The following BSND variants were observed in gnomAD, a reference collection of about 807,000 sequenced individuals.
The protein encoded by BSND is barttin CLCNK type accessory subunit beta.
BSND carries 13 observed loss-of-function variants against 18.8 expected under a neutral mutation model. That is an observed-to-expected ratio of 0.69 (90% confidence interval 0.45 to 1.10). The LOEUF (loss-of-function observed/expected upper bound fraction) is 1.10, where lower values mean the gene tolerates loss of function less well. Among genes scored for constraint, BSND ranks in the 50% least tolerant of loss-of-function variants. The probability of loss-of-function intolerance (pLI) is 0.00; values close to 1 mark genes in which losing one functional copy is unlikely to be tolerated. For synonymous variants in BSND, 170 were observed against 161.8 expected, an observed-to-expected ratio of 1.05 and a Z score of -0.39; for missense variants, 379 against 416.7, an observed-to-expected ratio of 0.91 and a Z score of 0.79.
chr1:55,008,686 A>C lies in BSND; in HGVS notation c.*58A>C. 1 of 1,612,946 alleles carries C rather than the reference A, an allele frequency of 6.2e-7. No homozygotes were observed. On this transcript the variant is annotated 3_prime_UTR_variant, in exon 4 of 4. Coordinates refer to ENST00000651561, the MANE Select transcript of BSND (RefSeq NM_057176.3). ...CTGCTGCTGACCCCTGTGTGACATC[A>C]CAGGGCCTCAGTTTCCCTATCTGCA...
At position 55,013,060 on chromosome 1, in the gene BSND, C is replaced by T. The variant is rs1365049672; in HGVS notation, c.*4432C>T. Among the ~76,000 whole-genome samples, 5 of 152,068 alleles carry T rather than the reference C, an allele frequency of 3.3e-5. No homozygotes were observed. The highest frequency in any genetic ancestry group is 1.9e-4 in the East Asian group (1 of 5,190). ...TCTTCCCACGATGCCACCTGGTCCA[C>T]GTCATAAGACTCAACAATGCACCTG... On this transcript the variant is annotated 3_prime_UTR_variant, in exon 4 of 4. Coordinates refer to ENST00000651561, the MANE Select transcript of BSND (RefSeq NM_057176.3).
rs1226292382 is a variant in BSND at position 54,999,333 on chromosome 1, C to G, written c.147C>G (p.Ile49Met). ...AMGSVMVIGG[I>M]IWSMCQCYPK... Reference sequence around the variant, plus strand: ...GCAGCGTCATGGTGATCGGGGGCATCATCTGGAGCATGTGCCAGTGCTACC... The same window carrying G: ...GCAGCGTCATGGTGATCGGGGGCATGATCTGGAGCATGTGCCAGTGCTACC... Residue 49 changes from isoleucine (I) to methionine (M), a missense_variant, in exon 1 of 4, where the codon ATC (isoleucine) becomes ATG (methionine). Coordinates refer to ENST00000651561, the MANE Select transcript of BSND (RefSeq NM_057176.3). The G allele has an allele frequency of 2.5e-6, 4 of 1,612,374 alleles. No homozygotes were observed.
At position 54,999,209 on chromosome 1, in the gene BSND, G is replaced by T. The variant is rs74315288; in HGVS notation, c.23G>T (p.Arg8Leu). Residue 8 changes from arginine (R) to leucine (L), a missense_variant, in exon 1 of 4, where the codon CGG becomes CTG. Physicochemically the swap from Arg to Leu is moderately radical, Grantham distance 102. Transcript: ENST00000651561. ...GCCATGGCTGACGAGAAGACCTTCC[G>T]GATCGGCTTCATTGTGCTGGGGCTT... The part of the protein sequence containing the change: MADEKTF[R>L]IGFIVLGLFL... The T allele has an allele frequency of 6.2e-7, 1 of 1,614,130 alleles. No homozygotes were observed. Among genetic ancestry groups the T allele is most frequent in the Non-Finnish European group, 8.5e-7 (1 of 1,180,026 alleles).
rs1644402120 is a variant in BSND at position 55,008,322 on chromosome 1, G to A, written c.657G>A (p.Glu219=). 6.2e-7 allele frequency: 1 copy of A among 1,614,112 alleles called. No homozygotes were observed. Among genetic ancestry groups the A allele is most frequent in the South Asian group, 1.1e-5 (1 of 91,084 alleles). The change falls in exon 4 of 4, where the codon GAG becomes GAA. Residue 219 remains glutamate, a synonymous_variant. Transcript: ENST00000651561. ...CCAATGCATCTCCACATGACAGGGA[G>A]GAAGCTTGTTCCCCACAACAGGAAC... ...SSPNASPHDR[E]EACSPQQEPQ...
chr1:55,000,428 C>T (rs997114487), intron 1 of BSND, among the ~76,000 whole-genome samples: 11 of 150,982 alleles, frequency 7.3e-5, no homozygotes, highest in Admixed American at 7.3e-4. Flanking sequence ...GCCTCAGTTT[C>T]CTCATTTGTA....
intron 1 of BSND, among the ~76,000 whole-genome samples, 162 bp from the exon 2 acceptor site, chr1:55,004,860 T>A (rs577807986): frequency 1.3e-5 from 2 of 152,218 alleles, no homozygotes; most frequent in Non-Finnish European, 2.9e-5. Flanking sequence ...ATCCTCCCGC[T>A]GGTGCTGTGC....
Position 55,017,084 on chromosome 1 carries a change from A to C in BSND, c.*8456A>C, listed in dbSNP as rs1644454856. On this transcript the variant is annotated 3_prime_UTR_variant, in exon 4 of 4. Coordinates refer to ENST00000651561, the MANE Select transcript of BSND (RefSeq NM_057176.3). ...ATTGGACGCTAAGCTCTGTGAAGGC[A>C]AGGACTCTATTACGTTCATTATTGT... is the stretch of plus-strand genomic sequence containing the variant. Among the ~76,000 whole-genome samples the C allele has an allele frequency of 6.6e-6, 1 of 152,212 alleles. No individual in the cohort carries two copies. Among genetic ancestry groups the C allele is most frequent in the Non-Finnish European group, 1.5e-5 (1 of 68,036 alleles).
chr1:55,001,562 C>G (rs61771984), intron 1 of BSND, among the ~76,000 whole-genome samples: 20,555 of 152,134 alleles, frequency 0.14, 1,806 homozygotes, highest in Non-Finnish European at 0.2. Flanking sequence ...CCGTGGCTCT[C>G]TGTGCCAGAC....
intron 2 of BSND, 73 bp downstream of exon 2, chr1:55,005,189 G>C: frequency 7.1e-7 from 1 of 1,417,804 alleles, no homozygotes; most frequent in Non-Finnish European, 9.9e-7. Flanking sequence ...AGGAGAGTGA[G>C]AGGGAGGGCA....
rs986456968 is a variant in BSND, at chr1:55,011,439, G to A, written c.*2811G>A. 2 of 152,262 alleles carry A rather than the reference G, an allele frequency of 1.3e-5. No individual in the cohort carries two copies. Among genetic ancestry groups the A allele is most frequent in the African/African-American group, 4.8e-5 (2 of 41,450 alleles). The allele number at this position is 152,262 out of a possible 1,614,324, so 9.4% of individuals were successfully genotyped here. The stretch of plus-strand genomic sequence containing the variant: ...CTCATGTGCAAATGACAGATGAAGT[G>A]CGCATATCTTGGAATCTTGGAAGTG... On this transcript the variant is annotated 3_prime_UTR_variant, in exon 4 of 4. Coordinates refer to ENST00000651561, the MANE Select transcript of BSND (RefSeq NM_057176.3).
Position 55,005,101 on chromosome 1 carries a change from C to T in BSND, c.257C>T (p.Ala86Val). ...ATGGGCCTGCTGGAGAATGGGCTTG[C>T]TGCCGAGATGAAGAGGTAGGTGCCA... Reference protein sequence around the residue: ...KAMGLLENGLAAEMKSPSPQP... With the variant: ...KAMGLLENGLVAEMKSPSPQP... The change falls in exon 2 of 4, where the codon GCT becomes GTT. Residue 86 changes from alanine to valine, a missense_variant. Physicochemically the swap from Ala to Val is moderately conservative, Grantham distance 64. Transcript: ENST00000651561. 4.3e-6 allele frequency: 7 copies of T among 1,614,166 alleles called. No homozygotes were observed. Among genetic ancestry groups the T allele is most frequent in the Non-Finnish European group, 5.9e-6 (7 of 1,180,018 alleles).
chr1:55,002,402 G>A (rs1419284002), intron 1 of BSND, among the ~76,000 whole-genome samples: 2 of 152,210 alleles, frequency 1.3e-5, no homozygotes, highest in African/African-American at 4.8e-5. Context: ...GGGAGAGCAG[G>A]GTCTCTGCCC....
rs116167322 is a variant in BSND at position 55,011,988 on chromosome 1, T to A, written c.*3360T>A. Among the ~76,000 whole-genome samples, 20 of 152,208 alleles carry A rather than the reference T, an allele frequency of 1.3e-4. No individual in the cohort carries two copies. The highest frequency in any genetic ancestry group is 4.6e-4 in the African/African-American group (19 of 41,528). On this transcript the variant is annotated 3_prime_UTR_variant, in exon 4 of 4. Transcript: ENST00000651561. ...TTCAGCTCCAGGCTCCAGGTGTGTG[T>A]GCCAGGGTGAAAATTCCTGCTCTTG...
intron 1 of BSND, among the ~76,000 whole-genome samples, chr1:55,001,492 T>C (rs1215644863): frequency 2.6e-5 from 4 of 152,050 alleles, no homozygotes; most frequent in East Asian, 1.9e-4. Flanking sequence ...CTTGGTCTCA[T>C]TGGTGCCTGG....
intron 1 of BSND, among the ~76,000 whole-genome samples, 155 bp downstream of exon 1, chr1:54,999,518 CCCATCCATCCAT>C (rs375479641): frequency 9.4e-5 from 14 of 148,754 alleles, no homozygotes; most frequent in East Asian, 2.0e-4. Context: ...GAGCGTCTGT[CCCATCCATCCAT>C]CCATCCATCC....
chr1:55,008,137 G>A (rs1644400805), intron 3 of BSND, 77 bp from the exon 4 acceptor site: 1 of 1,277,200 alleles, frequency 7.8e-7, no homozygotes, highest in Non-Finnish European at 1.1e-6. Context: ...CCTAGGTCTT[G>A]CAGCTAGCGG....
rs116514630 is a variant in BSND, at chr1:55,016,528, A to G, written c.*7900A>G. On this transcript the variant is annotated 3_prime_UTR_variant, in exon 4 of 4. Transcript: ENST00000651561. ...GCAGCTTTTCTGTGAGTGCCTTCAC[A>G]GGGGGCTGCCCCTTGATTCAGCAAT... 4.1e-3 allele frequency among the ~76,000 whole-genome samples: 619 copies of G among 152,328 alleles called. 2 individuals are homozygous for G. The highest frequency in any genetic ancestry group is 0.014 in the African/African-American group (582 of 41,568).
At position 55,008,676 on chromosome 1, in the gene BSND, G is replaced by A. The variant is rs1207535652; in HGVS notation, c.*48G>A. 4.3e-6 allele frequency: 7 copies of A among 1,613,450 alleles called. No homozygotes were observed. Among genetic ancestry groups the A allele is most frequent in the Admixed American group, 3.3e-5 (2 of 60,006 alleles). On this transcript the variant is annotated 3_prime_UTR_variant, in exon 4 of 4. Coordinates refer to ENST00000651561, the MANE Select transcript of BSND (RefSeq NM_057176.3). The stretch of plus-strand genomic sequence containing the variant: ...TAGTCTGGAACTGCTGCTGACCCCT[G>A]TGTGACATCACAGGGCCTCAGTTTC...
chr1:54,999,289 G>C lies in BSND; in HGVS notation c.103G>C (p.Gly35Arg), dbSNP rs982775621. 7 of 1,614,010 alleles carry C rather than the reference G, an allele frequency of 4.3e-6. No individual in the cohort carries two copies. The highest frequency in any genetic ancestry group is 2.7e-5 in the African/African-American group (2 of 74,892). Residue 35 changes from glycine to arginine, a missense_variant, in exon 1 of 4, where the codon GGC (glycine) becomes CGC (arginine). Physicochemically the swap from Gly to Arg is moderately radical, Grantham distance 125. Transcript: ENST00000651561. ...LMSHDRPQVYGTFYAMGSVMV... is the reference protein window; with the variant it reads ...LMSHDRPQVYRTFYAMGSVMV... ...GAGCCATGATCGGCCCCAGGTCTAC[G>C]GCACCTTCTATGCCATGGGCAGCGT...
Sources: allele counts gnomAD v4.1 joint callset (sites outside exome capture counted in the v4.1 genomes callset), GRCh38; gene constraint gnomAD v4.1.1; transcripts MANE v1.5; gene names NCBI Gene and HGNC (gene_info 2026-07-23, HGNC 2026-07-21).